The following NCKAP5 variants were observed in gnomAD, a reference collection of about 807,000 sequenced individuals.
NCKAP5 encodes the protein nck-associated protein 5.
A neutral mutation model predicts 167.0 loss-of-function variants in NCKAP5; 92 were observed. That is an observed-to-expected ratio of 0.55 (90% CI 0.47 to 0.66). The LOEUF is 0.66. Among genes scored for constraint, NCKAP5 ranks in the 30% least tolerant of loss-of-function variants. The probability of loss-of-function intolerance (pLI) is 0.00; values close to 1 mark genes in which losing one functional copy is unlikely to be tolerated. For synonymous variants in NCKAP5, 891 were observed against 877.4 expected (o/e 1.02, Z -0.27); for missense variants, 2,378 against 2,315.0 (o/e 1.03, Z -0.56).
intron 3 of NCKAP5, among the ~76,000 whole-genome samples, chr2:133,472,365 C>T (rs929058810): frequency 6.6e-6 from 1 of 151,948 alleles, no homozygotes; most frequent in African/African-American, 2.4e-5. Context: ...GCATCTTATG[C>T]TTCTAGACAT....
chr2:133,426,428 C>A (rs1689807922), intron 3 of NCKAP5, among the ~76,000 whole-genome samples: 1 of 136,354 alleles, frequency 7.3e-6, no homozygotes. Context: ...ATTCAGCCTT[C>A]TTAAAGTCTT....
chr2:132,862,284 T>C (rs1300613564), intron 10 of NCKAP5, among the ~76,000 whole-genome samples: 1 of 152,232 alleles, frequency 6.6e-6, no homozygotes, highest in Non-Finnish European at 1.5e-5. Flanking sequence ...TTAATTCTAT[T>C]AAAGGGGGCA....
chr2:133,604,974 C>T, the NCKAP5 span, among the ~76,000 whole-genome samples: 4 of 152,318 alleles, frequency 2.6e-5, no homozygotes, highest in African/African-American at 9.6e-5. Flanking sequence ...AAGGCTATCG[C>T]CTTCCCTTCC....
At chr2:133,646,565 A>G in the NCKAP5 span, among the ~76,000 whole-genome samples, 1 of 152,188 alleles carries the variant, frequency 6.6e-6, no homozygotes, top group Admixed American at 6.5e-5. Flanking sequence ...GTTTGTTTTC[A>G]TTAGACCTGA....
intron 19 of NCKAP5, among the ~76,000 whole-genome samples, chr2:132,693,671 G>A (rs1687028891): frequency 7.1e-6 from 1 of 141,642 alleles, no homozygotes; most frequent in South Asian, 2.3e-4. Context: ...TGTCACCCAG[G>A]CTGGAGTGCA....
intron 3 of NCKAP5, among the ~76,000 whole-genome samples, chr2:133,489,799 T>C (rs1055412029): frequency 6.6e-6 from 1 of 152,184 alleles, no homozygotes. Flanking sequence ...ACCATTCCAT[T>C]TGAAATGGAC....
chr2:133,375,354 G>A (rs781177911), intron 3 of NCKAP5, among the ~76,000 whole-genome samples: 11 of 152,278 alleles, frequency 7.2e-5, no homozygotes, highest in East Asian at 1.9e-4. Context: ...GACATGAGCC[G>A]TATGAAATAA....
intron 4 of NCKAP5, among the ~76,000 whole-genome samples, chr2:133,281,438 G>T (rs200638583): frequency 9.9e-5 from 15 of 152,048 alleles, no homozygotes; most frequent in Non-Finnish European, 2.1e-4. Flanking sequence ...AAATTACAAA[G>T]TCACTATTTG....
At chr2:133,301,085 C>A (rs1574642982) in intron 4 of NCKAP5, among the ~76,000 whole-genome samples, 1 of 63,316 alleles carries the variant, frequency 1.6e-5, no homozygotes, top group Non-Finnish European at 2.9e-5. Context: ...ATGTGAAGGA[C>A]CTCTTCAAGG....
intron 3 of NCKAP5, among the ~76,000 whole-genome samples, chr2:133,486,140 C>T (rs2195839): frequency 0.71 from 107,389 of 152,054 alleles, 38,728 homozygotes; most frequent in African/African-American, 0.86. Context: ...GGAGAAAACA[C>T]GGAATAGATC....
intron 2 of NCKAP5, among the ~76,000 whole-genome samples, chr2:133,524,137 T>C (rs1422371094): frequency 6.6e-6 from 1 of 152,138 alleles, no homozygotes; most frequent in Non-Finnish European, 1.5e-5. Flanking sequence ...AACCAAACAT[T>C]ATTATTTTAA....
intron 3 of NCKAP5, among the ~76,000 whole-genome samples, chr2:133,376,463 T>A (rs1041309001): frequency 1.3e-5 from 2 of 152,150 alleles, no homozygotes; most frequent in African/African-American, 4.8e-5. Context: ...TACATACTCT[T>A]GAAATATTGC....
chr2:133,454,729 G>A (rs561240497), intron 3 of NCKAP5, among the ~76,000 whole-genome samples: 1 of 152,160 alleles, frequency 6.6e-6, no homozygotes, highest in Non-Finnish European at 1.5e-5. Context: ...TGGATAAACA[G>A]GTTGTACGGG....
At chr2:132,806,721 G>A (rs564236132) in intron 11 of NCKAP5, among the ~76,000 whole-genome samples, 1 of 152,278 alleles carries the variant, frequency 6.6e-6, no homozygotes, top group Admixed American at 6.5e-5. Context: ...TCTGTGGGCT[G>A]TCTGTTTACT....
chr2:132,823,213 T>G (rs1686886205), intron 11 of NCKAP5, among the ~76,000 whole-genome samples: 2 of 152,160 alleles, frequency 1.3e-5, no homozygotes, highest in Admixed American at 6.5e-5. Context: ...CCTAGGGAAT[T>G]CATTGCAAAA....
intron 10 of NCKAP5, among the ~76,000 whole-genome samples, chr2:132,865,304 C>T (rs549099761): frequency 5.9e-5 from 9 of 152,236 alleles, no homozygotes; most frequent in African/African-American, 2.2e-4. Flanking sequence ...CCCTAAAAGC[C>T]TTCGGATTAA....
chr2:133,672,886 A>T, the NCKAP5 span, among the ~76,000 whole-genome samples: 1 of 152,304 alleles, frequency 6.6e-6, no homozygotes, highest in African/African-American at 2.4e-5. Context: ...ACCCCTCATT[A>T]CTGCCTACAC....
At position 133,475,216 on chromosome 2, in the gene NCKAP5, A is replaced by G. The variant is rs530851360; in HGVS notation, c.69+42242T>C. ...CTGAATTAAACATATCTGCAGGCTGAATTCAGCCCAAGGCCCATAAGTTTG... is the reference window on the plus strand; with the variant it reads ...CTGAATTAAACATATCTGCAGGCTGGATTCAGCCCAAGGCCCATAAGTTTG... On this transcript the variant is annotated intron_variant, in intron 3 of 19. Transcript: ENST00000409261. Among the ~76,000 whole-genome samples, 12 of 152,326 alleles carry G rather than the reference A, an allele frequency of 7.9e-5. 1 individual carries two copies. The South Asian group carries it at 2.5e-3, about 32-fold the overall frequency.
At chr2:132,947,050 T>C (rs1324774202) in intron 8 of NCKAP5, among the ~76,000 whole-genome samples, 1 of 152,226 alleles carries the variant, frequency 6.6e-6, no homozygotes, top group Non-Finnish European at 1.5e-5. Context: ...GATATGTCAT[T>C]TCTATTTAGA....
Sources: allele counts gnomAD v4.1 joint callset (sites outside exome capture counted in the v4.1 genomes callset), GRCh38; gene constraint gnomAD v4.1.1; transcripts MANE v1.5; gene names NCBI Gene and HGNC (gene_info 2026-07-23, HGNC 2026-07-21).